SLC25A21: variants seen among roughly 807,000 people sequenced by gnomAD.
The protein encoded by SLC25A21 is solute carrier family 25 member 21, also known as mitochondrial 2-oxodicarboxylate carrier.
A neutral mutation model predicts 43.8 loss-of-function variants in SLC25A21; 47 were observed. The ratio of observed to expected loss-of-function variants is 1.07; its 90% confidence interval spans 0.85 to 1.37. The LOEUF (loss-of-function observed/expected upper bound fraction) is 1.37. SLC25A21 is among the 40% of genes most tolerant of loss of function. SLC25A21 has a pLI of 0.00. For missense variants in SLC25A21, 352 were observed against 350.2 expected (o/e 1.00, Z -0.04); for synonymous variants, 131 against 121.3 (o/e 1.08, Z -0.52).
chr14:36,715,132 CTGATA>C (rs1420341790), intron 6 of SLC25A21, among the ~76,000 whole-genome samples: 1 of 152,154 alleles, frequency 6.6e-6, no homozygotes, highest in East Asian at 1.9e-4. Flanking sequence ...GACAATCCAA[CTGATA>C]TAAGTAACAG....
chr14:36,899,940 T>C (rs1594679182), intron 1 of SLC25A21, among the ~76,000 whole-genome samples: 1 of 152,156 alleles, frequency 6.6e-6, no homozygotes, highest in Non-Finnish European at 1.5e-5. Flanking sequence ...GTCTTATTCA[T>C]CCAGGTAGTC....
At chr14:37,149,185 T>G (rs1963716789) in intron 1 of SLC25A21, among the ~76,000 whole-genome samples, 1 of 152,166 alleles carries the variant, frequency 6.6e-6, no homozygotes, top group Non-Finnish European at 1.5e-5. Context: ...TTTTCTCTTT[T>G]TCTTCCCTTC....
chr14:36,945,806 C>T (rs1892667362), intron 1 of SLC25A21, among the ~76,000 whole-genome samples: 1 of 151,880 alleles, frequency 6.6e-6, no homozygotes. Flanking sequence ...GATGGCTGTG[C>T]AATAATGTGA....
intron 1 of SLC25A21, among the ~76,000 whole-genome samples, chr14:36,975,594 AAAATGTAAT>A (rs1959852429): frequency 6.6e-6 from 1 of 152,234 alleles, no homozygotes; most frequent in African/African-American, 2.4e-5. Context: ...TCCAATGGTT[AAAATGTAAT>A]TTTAAGATGG....
intron 2 of SLC25A21, among the ~76,000 whole-genome samples, chr14:36,853,656 T>C (rs1240130224): frequency 1.3e-5 from 2 of 152,164 alleles, no homozygotes; most frequent in African/African-American, 4.8e-5. Flanking sequence ...AAATAGTTGG[T>C]TATACAGAAA....
chr14:36,729,111 A>T (rs1884715572), intron 5 of SLC25A21, among the ~76,000 whole-genome samples: 1 of 152,198 alleles, frequency 6.6e-6, no homozygotes, highest in African/African-American at 2.4e-5. Flanking sequence ...GATCGATCTG[A>T]AGTCTTATAT....
intron 1 of SLC25A21, among the ~76,000 whole-genome samples, chr14:36,897,558 G>C (rs987992224): frequency 6.6e-6 from 1 of 152,160 alleles, no homozygotes; most frequent in Non-Finnish European, 1.5e-5. Flanking sequence ...TCTACGTCCA[G>C]CTTTGTTCCG....
Position 36,682,651 on chromosome 14 carries a change from C to T in SLC25A21, c.838+1177G>A, listed in dbSNP as rs544606261. Reference sequence around the variant, plus strand: ...GGTCTACTAGCAGGTTTTTACTCTGCGGTGAAGGAAAAACACCACATACTG... The same window carrying T: ...GGTCTACTAGCAGGTTTTTACTCTGTGGTGAAGGAAAAACACCACATACTG... On this transcript the variant is annotated intron_variant, in intron 9 of 9. Coordinates refer to ENST00000331299, the MANE Select transcript of SLC25A21 (RefSeq NM_030631.4). Among the ~76,000 whole-genome samples, 24 of 152,242 alleles carry T rather than the reference C, an allele frequency of 1.6e-4. No homozygotes were observed. In the South Asian group the frequency reaches 3.1e-3, roughly 20 times the overall value.
At chr14:37,072,553 G>A (rs960037924) in intron 1 of SLC25A21, among the ~76,000 whole-genome samples, 2 of 152,090 alleles carry the variant, frequency 1.3e-5, no homozygotes, top group East Asian at 1.9e-4. Context: ...TCAGGAGTTC[G>A]AGACCAGCCT....
chr14:36,755,404 C>G (rs1885885636), intron 3 of SLC25A21, among the ~76,000 whole-genome samples: 1 of 152,210 alleles, frequency 6.6e-6, no homozygotes, highest in African/African-American at 2.4e-5. Context: ...TGTGTGCACA[C>G]ACATATACAC....
intron 1 of SLC25A21, among the ~76,000 whole-genome samples, chr14:37,082,691 A>G (rs994309852): frequency 3.3e-5 from 5 of 152,096 alleles, no homozygotes; most frequent in Admixed American, 2.6e-4. Flanking sequence ...TGAAGTACCT[A>G]TTTTCCCATG....
chr14:37,133,143 GCACACACACA>G (rs33962615), intron 1 of SLC25A21, among the ~76,000 whole-genome samples: 3 of 147,962 alleles, frequency 2.0e-5, no homozygotes, highest in South Asian at 4.3e-4. Context: ...GTGCACTCGT[GCACACACACA>G]CACACACACA....
intron 1 of SLC25A21, among the ~76,000 whole-genome samples, chr14:36,984,596 A>C (rs1030594288): frequency 6.6e-6 from 1 of 152,044 alleles, no homozygotes; most frequent in African/African-American, 2.4e-5. Context: ...AAATATCTAA[A>C]ACCTTTGTAG....
intron 1 of SLC25A21, among the ~76,000 whole-genome samples, chr14:37,015,797 G>A (rs1218523197): frequency 1.3e-5 from 2 of 152,068 alleles, no homozygotes; most frequent in South Asian, 2.1e-4. Flanking sequence ...GGCCAGTGAC[G>A]GTGAGCATTT....
At chr14:36,685,558 TG>T (rs1261626681) in intron 7 of SLC25A21, among the ~76,000 whole-genome samples, 1 of 152,204 alleles carries the variant, frequency 6.6e-6, no homozygotes, top group Non-Finnish European at 1.5e-5. Context: ...CTGGAGTAAT[TG>T]GCTGAAGAAT....
chr14:37,077,355 T>C (rs1566863974), intron 1 of SLC25A21, among the ~76,000 whole-genome samples: 1 of 152,220 alleles, frequency 6.6e-6, no homozygotes, highest in Non-Finnish European at 1.5e-5. Flanking sequence ...TACTTACTTT[T>C]CAACATTGTA....
At chr14:36,875,632 T>C (rs1890499136) in intron 1 of SLC25A21, among the ~76,000 whole-genome samples, 1 of 152,210 alleles carries the variant, frequency 6.6e-6, no homozygotes, top group South Asian at 2.1e-4. Flanking sequence ...TGATAGAATG[T>C]AGTATCCCCA....
intron 1 of SLC25A21, among the ~76,000 whole-genome samples, chr14:37,105,947 G>A (rs552514900): frequency 1.5e-3 from 223 of 152,226 alleles, no homozygotes; most frequent in African/African-American, 4.9e-3. Flanking sequence ...GGCTGGAGCC[G>A]CGGCAGAGAA....
chr14:36,729,944 A>G lies in SLC25A21; in HGVS notation c.271-378T>C, dbSNP rs563142177. Among the ~76,000 whole-genome samples the G allele has an allele frequency of 2.0e-5, 3 of 152,324 alleles. No individual in the cohort carries two copies. The South Asian group carries it at 6.2e-4, about 32-fold the overall frequency. ...TGTTTTCTCTATGAACTGCTTTCCC[A>G]GTGAAAGCCCAATTTTCTAACACAT... On this transcript the variant is annotated intron_variant, in intron 4 of 9. Transcript: ENST00000331299.
Sources: gnomAD v4.1 joint callset for allele counts (sites outside exome capture counted in the v4.1 genomes callset) on GRCh38, gnomAD v4.1.1 for gene constraint, MANE v1.5 for transcripts, NCBI Gene and HGNC (gene_info 2026-07-23, HGNC 2026-07-21) for gene names.